The following SLC5A3 variants were observed in gnomAD, a reference collection of about 807,000 sequenced individuals.
The protein encoded by SLC5A3 is sodium/myo-inositol cotransporter.
Under a neutral mutation model 43.2 loss-of-function variants are expected in SLC5A3, and 10 were observed. The observed-to-expected ratio is 0.23, with a 90% confidence interval of 0.14 to 0.39. SLC5A3 has a LOEUF of 0.39. SLC5A3 is among the 10% of genes least tolerant of loss of function. SLC5A3 has a pLI of 1.00. For missense variants in SLC5A3, 608 were observed against 893.4 expected (o/e 0.68, Z 4.07); for synonymous variants, 349 against 322.0 (o/e 1.08, Z -0.90).
At position 34,096,309 on chromosome 21, in the gene SLC5A3, A is replaced by T; in HGVS notation, c.1111A>T (p.Met371Leu). ...CCTTCGGGGTTTAATGATGGCAGTG[A>T]TGATTGCAGCTCTGATGAGTGACTT... ...VGLRGLMMAV[M>L]IAALMSDLDS... The change falls in exon 2 of 2, where the codon ATG becomes TTG. Residue 371 changes from methionine to leucine, a missense_variant. By Grantham distance (15) the Met-to-Leu change is conservative. This residue lies in a region of SLC5A3 where 398 missense variants were observed against 668.6 expected (regional missense o/e 0.60). Transcript: ENST00000381151. The surrounding 1 kb of genome is among the most constrained non-coding windows in gnomAD (Gnocchi z 5.9). 1.2e-6 allele frequency: 2 copies of T among 1,614,106 alleles called. No homozygotes were observed. Among genetic ancestry groups the T allele is most frequent in the South Asian group, 2.2e-5 (2 of 91,076 alleles).
chr21:34,105,487 T>C lies in SLC5A3; in HGVS notation c.*8132T>C, dbSNP rs1008986296. ...CTGCTTTTATCTAGTAATTTTGATA[T>C]GTAAGTATTAATGCATTTTTAAAAG... On this transcript the variant is annotated 3_prime_UTR_variant, in exon 2 of 2. Transcript: ENST00000381151. 2 of 999,962 alleles carry C rather than the reference T, an allele frequency of 2.0e-6. No individual in the cohort carries two copies. 61.9% of individuals were successfully genotyped at this position (999,962 alleles called of 1,614,324 possible).
rs769963063 is a variant in SLC5A3 at position 34,097,256 on chromosome 21, G to A, written c.2058G>A (p.Gln686=). The A allele has an allele frequency of 1.9e-6, 3 of 1,613,942 alleles. No individual in the cohort carries two copies. The highest frequency in any genetic ancestry group is 2.5e-6 in the Non-Finnish European group (3 of 1,179,918). ...DLMEEEAVCL[Q]MLEETRQVKV... is the part of the protein sequence containing the mutation. ...TGGAAGAGGAGGCTGTTTGTTTACA[G>A]ATGCTAGAAGAGACTCGGCAAGTTA... Residue 686 remains glutamine, a synonymous_variant, in exon 2 of 2, where the codon CAG becomes CAA. Transcript: ENST00000381151.
In SLC5A3 at chr21:34,101,893, T is replaced by C. The variant is rs1188975474; in HGVS notation, c.*4538T>C. On this transcript the variant is annotated 3_prime_UTR_variant, in exon 2 of 2. Transcript: ENST00000381151. ...AAAATTAGGGAGAGAGCAGTAGTGA[T>C]CATTTATGTGAGCCCCTTTGAAATG... 1 of 1,000,106 alleles carries C rather than the reference T, an allele frequency of 1.0e-6. No individual in the cohort carries two copies. The highest frequency in any genetic ancestry group is 1.2e-6 in the Non-Finnish European group (1 of 829,980). The allele number at this position is 1,000,106 out of a possible 1,614,324, so 62.0% of individuals were successfully genotyped here.
At position 34,102,157 on chromosome 21, in the gene SLC5A3, T is replaced by G. The variant is rs1330368552; in HGVS notation, c.*4802T>G. On this transcript the variant is annotated 3_prime_UTR_variant, in exon 2 of 2. Transcript: ENST00000381151. The stretch of plus-strand genomic sequence containing the variant: ...ATGTTTTTGTCAGACTGTCCTTTGT[T>G]GGAATACTTTAGCTGTTCAGCTACT... The G allele has an allele frequency of 3.3e-5, 33 of 1,000,022 alleles. No homozygotes were observed. The highest frequency in any genetic ancestry group is 3.9e-5 in the Non-Finnish European group (32 of 829,900). 61.9% of individuals were successfully genotyped at this position (1,000,022 alleles called of 1,614,324 possible). A position where few individuals can be genotyped will look rare whatever the true frequency, so the allele number is the denominator to read the frequency against.
At chr21:34,089,370 C>T (rs1451937610) in intron 1 of SLC5A3, among the ~76,000 whole-genome samples, 3 of 151,602 alleles carry the variant, frequency 2.0e-5, no homozygotes, top group Admixed American at 2.0e-4. Flanking sequence ...TGGGAGTTTG[C>T]TCCTATATGT....
At position 34,099,264 on chromosome 21, in the gene SLC5A3, T is replaced by C; in HGVS notation, c.*1909T>C. ...TAGATAGAGCTCATCATTTTCTTGT[T>C]TGGAAGTTGAGGCTGCGACATGTCC... On this transcript the variant is annotated 3_prime_UTR_variant, in exon 2 of 2. Coordinates refer to ENST00000381151, the MANE Select transcript of SLC5A3 (RefSeq NM_006933.7). 2.0e-6 allele frequency: 2 copies of C among 1,000,276 alleles called. No homozygotes were observed. Among genetic ancestry groups the C allele is most frequent in the Non-Finnish European group, 2.4e-6 (2 of 830,000 alleles). The allele number at this position is 1,000,276 out of a possible 1,614,324, so 62.0% of individuals were successfully genotyped here. A position where few individuals can be genotyped will look rare whatever the true frequency, so the allele number is the denominator to read the frequency against.
chr21:34,081,240 C>T (rs539041822), intron 1 of SLC5A3, among the ~76,000 whole-genome samples: 2 of 152,080 alleles, frequency 1.3e-5, no homozygotes, highest in South Asian at 2.1e-4. Context: ...CTGTAGATGT[C>T]GCTTAGATCA....
Position 34,104,384 on chromosome 21 carries a change from G to T in SLC5A3, c.*7029G>T. On this transcript the variant is annotated 3_prime_UTR_variant, in exon 2 of 2. Coordinates refer to ENST00000381151, the MANE Select transcript of SLC5A3 (RefSeq NM_006933.7). Reference sequence around the variant, plus strand: ...TTTTCCACCTCCTCACTTCACCTCCGAGTAGCTTGTTTATCAAGAATGAAT... The same window carrying T: ...TTTTCCACCTCCTCACTTCACCTCCTAGTAGCTTGTTTATCAAGAATGAAT... The T allele has an allele frequency of 2.0e-6, 2 of 1,000,092 alleles. No homozygotes were observed. The highest frequency in any genetic ancestry group is 2.4e-6 in the Non-Finnish European group (2 of 829,950). The allele number at this position is 1,000,092 out of a possible 1,614,324, so 62.0% of individuals were successfully genotyped here.
In SLC5A3 at chr21:34,105,635, C is replaced by T; in HGVS notation, c.*8280C>T. On this transcript the variant is annotated 3_prime_UTR_variant, in exon 2 of 2. Coordinates refer to ENST00000381151, the MANE Select transcript of SLC5A3 (RefSeq NM_006933.7). Reference sequence around the variant, plus strand: ...GTGTACATGTGTCATTTTAGTTAGGCATTGTAGGCCAAATGTGATTATAAA... The same window carrying T: ...GTGTACATGTGTCATTTTAGTTAGGTATTGTAGGCCAAATGTGATTATAAA... 1.0e-6 allele frequency: 1 copy of T among 999,416 alleles called. No homozygotes were observed. The highest frequency in any genetic ancestry group is 1.2e-6 in the Non-Finnish European group (1 of 829,318). The allele number at this position is 999,416 out of a possible 1,614,324, so 61.9% of individuals were successfully genotyped here.
chr21:34,084,380 A>C (rs1989525351), intron 1 of SLC5A3, among the ~76,000 whole-genome samples: 1 of 152,076 alleles, frequency 6.6e-6, no homozygotes, highest in Non-Finnish European at 1.5e-5. Context: ...AATTGGAACC[A>C]AGTAGACTGA....
intron 1 of SLC5A3, among the ~76,000 whole-genome samples, chr21:34,093,117 A>G (rs1978789819): frequency 6.6e-6 from 1 of 152,232 alleles, no homozygotes; most frequent in African/African-American, 2.4e-5. Context: ...TTCGTCCTAC[A>G]TAATGTCAAA....
In SLC5A3 at chr21:34,100,978, TC is replaced by T; in HGVS notation, c.*3624del. On this transcript the variant is annotated 3_prime_UTR_variant, in exon 2 of 2. Transcript: ENST00000381151. ...TGATGATTCTCCTGGCTCATTTTCA[TC>T]AGAGGCATGATGACTGGAAAGGGAT... 1.0e-6 allele frequency: 1 copy of T among 1,000,210 alleles called. No homozygotes were observed. The highest frequency in any genetic ancestry group is 1.2e-6 in the Non-Finnish European group (1 of 829,956). 62.0% of individuals were successfully genotyped at this position (1,000,210 alleles called of 1,614,324 possible). A position where few individuals can be genotyped will look rare whatever the true frequency, so the allele number is the denominator to read the frequency against.
In SLC5A3 at chr21:34,104,047, C is replaced by G. The variant is rs1421591728; in HGVS notation, c.*6692C>G. Reference sequence around the variant, plus strand: ...GTGCCCCCCCAAACATGCAGAAAGTCATACTTTAACAGGGCAAATACTACT... The same window carrying G: ...GTGCCCCCCCAAACATGCAGAAAGTGATACTTTAACAGGGCAAATACTACT... On this transcript the variant is annotated 3_prime_UTR_variant, in exon 2 of 2. Transcript: ENST00000381151. 3.0e-6 allele frequency: 3 copies of G among 999,936 alleles called. No homozygotes were observed. In the African/African-American group the frequency reaches 5.2e-5, roughly 17 times the overall value. The allele number at this position is 999,936 out of a possible 1,614,324, so 61.9% of individuals were successfully genotyped here.
Position 34,095,211 on chromosome 21 carries a change from C to G in SLC5A3, c.13C>G (p.Leu5Val). The part of the protein sequence containing the change: MRAV[L>V]DTADIAIVAL... ...ACAAGTTACCAGAATGAGAGCTGTA[C>G]TGGACACAGCAGACATTGCCATAGT... is the stretch of plus-strand genomic sequence containing the variant. Residue 5 changes from leucine (L) to valine (V), a missense_variant, in exon 2 of 2, where the codon CTG (leucine) becomes GTG (valine). Physicochemically the swap from Leu to Val is conservative, Grantham distance 32 (BLOSUM62 1). Coordinates refer to ENST00000381151, the MANE Select transcript of SLC5A3 (RefSeq NM_006933.7). The G allele has an allele frequency of 6.2e-7, 1 of 1,609,786 alleles. No individual in the cohort carries two copies. The highest frequency in any genetic ancestry group is 8.5e-7 in the Non-Finnish European group (1 of 1,177,346).
In SLC5A3 at chr21:34,095,872, C is replaced by T. The variant is rs1978943354; in HGVS notation, c.674C>T (p.Thr225Ile). ...TACATGTTGGCCTCACCCGATGTCA[C>T]TTCCATCTTATTGACATACAACCTT... ...RRYMLASPDVTSILLTYNLSN... is the reference protein window; with the variant it reads ...RRYMLASPDVISILLTYNLSN... The change falls in exon 2 of 2, where the codon ACT becomes ATT. Residue 225 changes from threonine (T) to isoleucine (I), a missense_variant. By Grantham distance (89) the Thr-to-Ile change is moderately conservative. This residue lies in a region of SLC5A3 where 398 missense variants were observed against 668.6 expected (regional missense o/e 0.60). Transcript: ENST00000381151. The T allele has an allele frequency of 6.2e-7, 1 of 1,613,986 alleles. No individual in the cohort carries two copies. Among genetic ancestry groups the T allele is most frequent in the African/African-American group, 1.3e-5 (1 of 74,908 alleles).
In SLC5A3 at chr21:34,102,969, TAA is replaced by T. The variant is rs778971477; in HGVS notation, c.*5617_*5618del. The T allele has an allele frequency of 1.8e-5, 18 of 1,000,000 alleles. No individual in the cohort carries two copies. The highest frequency in any genetic ancestry group is 2.0e-5 in the Non-Finnish European group (17 of 829,924). 61.9% of individuals were successfully genotyped at this position (1,000,000 alleles called of 1,614,324 possible). On this transcript the variant is annotated 3_prime_UTR_variant, in exon 2 of 2. Coordinates refer to ENST00000381151, the MANE Select transcript of SLC5A3 (RefSeq NM_006933.7). Reference sequence around the variant, plus strand: ...CACCCTGTTTCCTAGTGCTGCTGGATAAAAGAGTGTTTACTTTTTATTGCTCT... The same window carrying T: ...CACCCTGTTTCCTAGTGCTGCTGGATAAGAGTGTTTACTTTTTATTGCTCT...
At chr21:34,074,461 TTTGA>T in intron 1 of SLC5A3, among the ~76,000 whole-genome samples, 1 of 152,290 alleles carries the variant, frequency 6.6e-6, no homozygotes, top group South Asian at 2.1e-4. Flanking sequence ...TCCCCCTGCT[TTTGA>T]TTGATCTTGA....
At chr21:34,090,424 A>T (rs1449936095) in intron 1 of SLC5A3, among the ~76,000 whole-genome samples, 1 of 152,208 alleles carries the variant, frequency 6.6e-6, no homozygotes, top group African/African-American at 2.4e-5. Flanking sequence ...TTTTATATAC[A>T]TTTTTTCTTT....
intron 1 of SLC5A3, among the ~76,000 whole-genome samples, chr21:34,089,541 A>G (rs377690387): frequency 4.6e-5 from 7 of 152,310 alleles, no homozygotes; most frequent in African/African-American, 1.4e-4. Flanking sequence ...AAATGAATAT[A>G]TCTTGGGCGG....
Sources: allele counts gnomAD v4.1 joint callset (sites outside exome capture counted in the v4.1 genomes callset), GRCh38; gene constraint gnomAD v4.1.1; regional missense constraint gnomAD v4.1.1; non-coding constraint Gnocchi (gnomAD v3.1); transcripts MANE v1.5; gene names NCBI Gene and HGNC (gene_info 2026-07-23, HGNC 2026-07-21).